Variants in KIF18A observed in about 807,000 individuals in gnomAD.
The protein encoded by KIF18A is kinesin-like protein KIF18A.
A neutral mutation model predicts 103.3 loss-of-function variants in KIF18A; 67 were observed. The observed-to-expected ratio is 0.65, with a 90% CI of 0.53 to 0.79. The LOEUF (loss-of-function observed/expected upper bound fraction) is 0.79. Ranked by LOEUF, KIF18A falls within the 30% of genes least tolerant of loss-of-function variation. KIF18A has a pLI of 0.00. For missense variants in KIF18A, 1,032 were observed against 1,062.5 expected, an observed-to-expected ratio of 0.97 and a Z score of 0.40; for synonymous variants, 367 against 355.5, an observed-to-expected ratio of 1.03 and a Z score of -0.36.
chr11:28,043,414 C>T (rs1446192236), intron 13 of KIF18A, among the ~76,000 whole-genome samples: 1 of 151,834 alleles, frequency 6.6e-6, no homozygotes, highest in East Asian at 1.9e-4. Flanking sequence ...ACTCACTGGA[C>T]CTATAAAAAG....
chr11:28,077,393 A>G (rs1851107930), intron 9 of KIF18A, among the ~76,000 whole-genome samples: 1 of 152,202 alleles, frequency 6.6e-6, no homozygotes, highest in Non-Finnish European at 1.5e-5. Flanking sequence ...TCACCCAAGG[A>G]AGATCATGTT....
chr11:28,068,633 T>C (rs927207181), intron 11 of KIF18A, among the ~76,000 whole-genome samples: 2 of 152,150 alleles, frequency 1.3e-5, no homozygotes, highest in Admixed American at 1.3e-4. Context: ...CCTCTTCTTC[T>C]GGCTTAGGTG....
intron 13 of KIF18A, among the ~76,000 whole-genome samples, chr11:28,047,481 T>G (rs1850651894): frequency 6.6e-6 from 1 of 152,166 alleles, no homozygotes; most frequent in South Asian, 2.1e-4. Flanking sequence ...CCAGGAAAGT[T>G]ACAATGGGGA....
At chr11:28,043,241 A>G (rs1850584067) in intron 13 of KIF18A, among the ~76,000 whole-genome samples, 1 of 151,964 alleles carries the variant, frequency 6.6e-6, no homozygotes, top group Non-Finnish European at 1.5e-5. Flanking sequence ...TATATCACAC[A>G]TGGATGAGAT....
At chr11:28,088,373 T>C in intron 6 of KIF18A, 151 bp downstream of exon 6, 1 of 592,634 alleles carries the variant, frequency 1.7e-6, no homozygotes, top group Non-Finnish European at 2.9e-6. Flanking sequence ...CACTAGGTTT[T>C]CTGAGGTCTT....
intron 1 of KIF18A, among the ~76,000 whole-genome samples, chr11:28,103,601 T>G (rs2133570884): frequency 6.6e-6 from 1 of 152,218 alleles, no homozygotes; most frequent in South Asian, 2.1e-4. Context: ...GTTAATAGAC[T>G]TTTACTTTAT....
Position 28,021,201 on chromosome 11 carries a change from T to G in KIF18A, c.2696A>C (p.Ter899SerextTer27). The G allele has an allele frequency of 6.6e-6, 10 of 1,504,566 alleles. No individual in the cohort carries two copies. Among genetic ancestry groups the G allele is most frequent in the Non-Finnish European group, 8.0e-6 (9 of 1,123,330 alleles). 93.2% of individuals were successfully genotyped at this position (1,504,566 alleles called of 1,614,324 possible). ...CATTTTGCTTGGTTTTGAAGTGATTTATCTTAGATTTCCTTTTGAAATATT... is the reference window on the plus strand; with the variant it reads ...CATTTTGCTTGGTTTTGAAGTGATTGATCTTAGATTTCCTTTTGAAATATT... ...GRNISKGNLR* is the reference protein window; with the variant it reads ...GRNISKGNLRS Residue 899 changes from the stop codon to serine (S), a stop_lost, in exon 17 of 17, where the codon TAA (stop) becomes TCA (serine). Coordinates refer to ENST00000263181, the MANE Select transcript of KIF18A (RefSeq NM_031217.4).
chr11:28,066,814 T>C (rs1850935394), intron 11 of KIF18A, among the ~76,000 whole-genome samples: 1 of 147,836 alleles, frequency 6.8e-6, no homozygotes, highest in Non-Finnish European at 1.5e-5. Flanking sequence ...TTATATTATA[T>C]TATATTATAT....
intron 13 of KIF18A, among the ~76,000 whole-genome samples, chr11:28,051,223 C>A (rs1464687402): frequency 6.6e-6 from 1 of 151,280 alleles, no homozygotes; most frequent in African/African-American, 2.4e-5. Flanking sequence ...ATTTCCTAGA[C>A]AAAGCAAAGA....
chr11:28,025,924 G>T (rs963089770), intron 15 of KIF18A, among the ~76,000 whole-genome samples: 6 of 151,768 alleles, frequency 4.0e-5, no homozygotes, highest in Non-Finnish European at 7.4e-5. Flanking sequence ...GAAATAATTA[G>T]ACATCTTTCA....
At chr11:28,046,438 T>C (rs1015509259) in intron 13 of KIF18A, among the ~76,000 whole-genome samples, 9 of 146,744 alleles carry the variant, frequency 6.1e-5, no homozygotes, top group Admixed American at 2.7e-4. Context: ...CAGTAAACTA[T>C]TGCAAGAACA....
Position 28,059,041 on chromosome 11 carries a change from T to C in KIF18A, c.1833A>G (p.Lys611=). ...FKEIEHLVER[K]KVVVWADQTA... ...TTTGGTCAGCCCAAACTACCACTTTTTTCCTCTCTACCAAATGTTCGATCT... is the reference window on the plus strand; with the variant it reads ...TTTGGTCAGCCCAAACTACCACTTTCTTCCTCTCTACCAAATGTTCGATCT... The change falls in exon 13 of 17, where the codon AAA becomes AAG. Residue 611 remains lysine (K), a synonymous_variant. Coordinates refer to ENST00000263181, the MANE Select transcript of KIF18A (RefSeq NM_031217.4). 1 of 1,614,110 alleles carries C rather than the reference T, an allele frequency of 6.2e-7. No individual in the cohort carries two copies. Among genetic ancestry groups the C allele is most frequent in the South Asian group, 1.1e-5 (1 of 91,084 alleles).
chr11:28,077,961 C>T (rs987487316), intron 9 of KIF18A, among the ~76,000 whole-genome samples: 1 of 152,046 alleles, frequency 6.6e-6, no homozygotes, highest in African/African-American at 2.4e-5. Flanking sequence ...ATCCTGTATC[C>T]TTCTGGGTCA....
chr11:28,028,289 C>T (rs1203311167), intron 15 of KIF18A, among the ~76,000 whole-genome samples: 2 of 152,016 alleles, frequency 1.3e-5, no homozygotes, highest in Admixed American at 6.6e-5. Context: ...TAAAGCACTC[C>T]TCAGCAAATA....
In KIF18A at chr11:28,084,637, A is replaced by G; in HGVS notation, c.1069T>C (p.Ser357Pro). 1 of 1,606,154 alleles carries G rather than the reference A, an allele frequency of 6.2e-7. No individual in the cohort carries two copies. The highest frequency in any genetic ancestry group is 8.5e-7 in the Non-Finnish European group (1 of 1,174,450). ...GGCAGAGTAAACAGACTTACAGAAG[A>G]TTTAATGTCCTTTGCCCGGTTAGCA... ...KYANRAKDIK[S>P]SLKSNVLNVN... The change falls in exon 7 of 17, where the codon TCT (serine) becomes CCT (proline). Residue 357 changes from serine (S) to proline (P), a missense_variant. Transcript: ENST00000263181.
Position 28,059,091 on chromosome 11 carries a change from C to T in KIF18A, c.1783G>A (p.Ala595Thr), listed in dbSNP as rs767573230. Residue 595 changes from alanine (A) to threonine (T), a missense_variant, in exon 13 of 17, where the codon GCT becomes ACT. By Grantham distance (58) the Ala-to-Thr change is moderately conservative (BLOSUM62 0). Coordinates refer to ENST00000263181, the MANE Select transcript of KIF18A (RefSeq NM_031217.4). ...CTLKEAGLSNAAFESDFKEIE... is the reference protein window; with the variant it reads ...CTLKEAGLSNTAFESDFKEIE... ...TCTTTGAAGTCAGATTCAAAAGCAG[C>T]ATTTGACAGGCCGGCTTCTTTTAAT... The T allele has an allele frequency of 1.2e-6, 2 of 1,614,006 alleles. No individual in the cohort carries two copies. Among genetic ancestry groups the T allele is most frequent in the South Asian group, 2.2e-5 (2 of 91,078 alleles).
intron 5 of KIF18A, 100 bp from the exon 6 acceptor site, chr11:28,088,821 A>C: frequency 1.1e-6 from 1 of 928,960 alleles, no homozygotes; most frequent in Non-Finnish European, 1.7e-6. Flanking sequence ...AATTATTTTC[A>C]TTTTAAAAAA....
At chr11:28,024,686 A>G (rs1482334859) in intron 15 of KIF18A, among the ~76,000 whole-genome samples, 1 of 152,098 alleles carries the variant, frequency 6.6e-6, no homozygotes, top group Non-Finnish European at 1.5e-5. Context: ...TTGTGGATGC[A>G]ATGAATTTGA....
chr11:28,090,072 C>A (rs1055269057), intron 5 of KIF18A, among the ~76,000 whole-genome samples: 3 of 152,076 alleles, frequency 2.0e-5, no homozygotes, highest in African/African-American at 7.2e-5. Flanking sequence ...TGGCATAATA[C>A]TAAAAGAAGC....
Sources: gnomAD v4.1 joint callset for allele counts (sites outside exome capture counted in the v4.1 genomes callset) on GRCh38, gnomAD v4.1.1 for gene constraint, MANE v1.5 for transcripts, NCBI Gene and HGNC (gene_info 2026-07-23, HGNC 2026-07-21) for gene names.